The following MAML3 variants were observed in gnomAD, a reference collection of about 807,000 sequenced individuals.
The protein encoded by MAML3 is mastermind-like protein 3.
A neutral mutation model predicts 101.9 loss-of-function variants in MAML3; 27 were observed. That is an observed-to-expected ratio of 0.27 (90% CI 0.20 to 0.37). The LOEUF is 0.37. MAML3 is among the 10% of genes least tolerant of loss of function. The pLI, the probability that MAML3 is intolerant of heterozygous loss-of-function variation, is 1.00. For missense variants in MAML3, 1,316 were observed against 1,444.9 expected, an observed-to-expected ratio of 0.91 and a Z score of 1.45; for synonymous variants, 501 against 555.9, an observed-to-expected ratio of 0.90 and a Z score of 1.39.
chr4:140,110,854 C>T (rs1337588930), intron 1 of MAML3, among the ~76,000 whole-genome samples: 1 of 152,100 alleles, frequency 6.6e-6, no homozygotes, highest in African/African-American at 2.4e-5. Context: ...GAAGTGGTAC[C>T]TAGCTTTGTG....
intron 2 of MAML3, among the ~76,000 whole-genome samples, chr4:139,850,596 C>T (rs1254844403): frequency 4.6e-5 from 7 of 151,924 alleles, no homozygotes; most frequent in Admixed American, 1.3e-4. Context: ...TGCAGTGGCA[C>T]AATCTCGGCT....
chr4:140,148,205 T>C (rs1443684830), intron 1 of MAML3, among the ~76,000 whole-genome samples: 2 of 152,160 alleles, frequency 1.3e-5, no homozygotes, highest in African/African-American at 4.8e-5. Flanking sequence ...TGAGACAGGA[T>C]AGAAAGTATC....
chr4:140,029,256 T>C (rs1029682165), intron 1 of MAML3, among the ~76,000 whole-genome samples: 2 of 152,158 alleles, frequency 1.3e-5, no homozygotes, highest in Non-Finnish European at 2.9e-5. Context: ...CACCTGAAAA[T>C]AGTACACTTG....
intron 1 of MAML3, among the ~76,000 whole-genome samples, chr4:140,085,440 T>G (rs1329431966): frequency 6.6e-6 from 1 of 152,174 alleles, no homozygotes; most frequent in Non-Finnish European, 1.5e-5. Flanking sequence ...CCTGGTTACC[T>G]GAATCACACT....
chr4:139,957,694 T>C (rs1733940144), intron 1 of MAML3, among the ~76,000 whole-genome samples: 1 of 152,216 alleles, frequency 6.6e-6, no homozygotes. Context: ...GCCAACTGCT[T>C]TTTCTTTGGC....
intron 1 of MAML3, among the ~76,000 whole-genome samples, chr4:139,962,118 G>A (rs1388214799): frequency 6.6e-6 from 1 of 151,082 alleles, no homozygotes; most frequent in Non-Finnish European, 1.5e-5. Context: ...GTGAGATCCT[G>A]TTTTTGTTTT....
At chr4:139,909,665 C>A (rs1442535501) in intron 1 of MAML3, among the ~76,000 whole-genome samples, 1 of 151,870 alleles carries the variant, frequency 6.6e-6, no homozygotes, top group East Asian at 1.9e-4. Flanking sequence ...GGTGAAACCC[C>A]ATTTCTACTA....
intron 2 of MAML3, among the ~76,000 whole-genome samples, chr4:139,839,143 G>A (rs1176925335): frequency 6.6e-6 from 1 of 152,062 alleles, no homozygotes; most frequent in Admixed American, 6.6e-5. Flanking sequence ...TCAAGAACGC[G>A]CTGGCATCAT....
chr4:140,134,083 C>T lies in MAML3; in HGVS notation c.468+18777G>A, dbSNP rs1295522772. The T allele has an allele frequency of 8.8e-6, 4 of 456,570 alleles. No individual in the cohort carries two copies. In the East Asian group the frequency reaches 2.1e-4, roughly 24 times the overall value. 28.3% of individuals were successfully genotyped at this position (456,570 alleles called of 1,614,324 possible). A position where few individuals can be genotyped will look rare whatever the true frequency, so the allele number is the denominator to read the frequency against. The stretch of plus-strand genomic sequence containing the variant: ...GACAGTTGTATTAAAACCTCCAGGA[C>T]TGGCTATCTATGACTGGCTCCACAG... On this transcript the variant is annotated intron_variant, in intron 1 of 4. Transcript: ENST00000509479.
intron 2 of MAML3, among the ~76,000 whole-genome samples, chr4:139,872,907 G>C (rs981462745): frequency 6.6e-6 from 1 of 151,792 alleles, no homozygotes; most frequent in African/African-American, 2.4e-5. Context: ...GCAACACCCC[G>C]TCTATACTAA....
At chr4:140,131,292 A>C (rs1026251161) in intron 1 of MAML3, among the ~76,000 whole-genome samples, 5 of 152,238 alleles carry the variant, frequency 3.3e-5, no homozygotes, top group African/African-American at 1.2e-4. Flanking sequence ...AACTGAATCA[A>C]ACCTTGAGTT....
intron 2 of MAML3, among the ~76,000 whole-genome samples, chr4:139,885,859 G>A (rs1022034353): frequency 2.1e-5 from 3 of 145,878 alleles, no homozygotes; most frequent in Non-Finnish European, 3.0e-5. Flanking sequence ...CGTGAACCCG[G>A]GAGGTGGAGT....
intron 1 of MAML3, among the ~76,000 whole-genome samples, chr4:139,930,953 G>A (rs907162119): frequency 3.9e-5 from 6 of 151,976 alleles, no homozygotes; most frequent in African/African-American, 1.5e-4. Context: ...GAGAAAGACT[G>A]CTATAGGTAC....
chr4:140,037,868 A>G (rs1727011529), intron 1 of MAML3, among the ~76,000 whole-genome samples: 1 of 152,146 alleles, frequency 6.6e-6, no homozygotes, highest in Admixed American at 6.5e-5. Context: ...CTCGAGCTAC[A>G]CTGCTCTGCT....
intron 1 of MAML3, among the ~76,000 whole-genome samples, chr4:140,083,472 A>T (rs1727895685): frequency 6.6e-6 from 1 of 152,190 alleles, no homozygotes; most frequent in African/African-American, 2.4e-5. Context: ...TGGAATCTTA[A>T]GTAGTCAGAA....
intron 1 of MAML3, among the ~76,000 whole-genome samples, chr4:140,122,817 T>C (rs1728629983): frequency 6.6e-6 from 1 of 151,566 alleles, no homozygotes; most frequent in African/African-American, 2.4e-5. Context: ...AAAAACCATT[T>C]TGAAAATCTA....
At chr4:139,978,115 A>G (rs1410162909) in intron 1 of MAML3, among the ~76,000 whole-genome samples, 1 of 152,080 alleles carries the variant, frequency 6.6e-6, no homozygotes, top group African/African-American at 2.4e-5. Flanking sequence ...TTGGATTAGA[A>G]TTCACTCCAT....
intron 2 of MAML3, among the ~76,000 whole-genome samples, chr4:139,886,135 G>A (rs1243838562): frequency 6.6e-6 from 1 of 151,888 alleles, no homozygotes; most frequent in Non-Finnish European, 1.5e-5. Context: ...GGGATTAGGA[G>A]ACAGAATGGA....
intron 1 of MAML3, among the ~76,000 whole-genome samples, chr4:140,137,938 T>C (rs1275081795): frequency 6.6e-6 from 1 of 152,230 alleles, no homozygotes; most frequent in Non-Finnish European, 1.5e-5. Context: ...TTAAGCTCCT[T>C]TACTTGAAAC....
Sources: allele counts gnomAD v4.1 joint callset (sites outside exome capture counted in the v4.1 genomes callset), GRCh38; gene constraint gnomAD v4.1.1; transcripts MANE v1.5; gene names NCBI Gene and HGNC (gene_info 2026-07-23, HGNC 2026-07-21).